PHACTR1: variants seen among roughly 807,000 people sequenced by gnomAD.
PHACTR1 encodes phosphatase and actin regulator 1, also known as RPEL repeat containing 1.
PHACTR1 carries 16 observed loss-of-function variants against 69.2 expected under a neutral mutation model. The ratio of observed to expected loss-of-function variants is 0.23; its 90% CI spans 0.16 to 0.35. The LOEUF (loss-of-function observed/expected upper bound fraction) is 0.35, where lower values mean the gene tolerates loss of function less well. Among genes scored for constraint, PHACTR1 ranks in the 10% least tolerant of loss-of-function variants. PHACTR1 has a pLI of 1.00. For synonymous variants in PHACTR1, 312 were observed against 284.5 expected (o/e 1.10, Z -0.97); for missense variants, 510 against 734.7 (o/e 0.69, Z 3.54).
At chr6:12,842,974 A>G (rs1460239191) in intron 4 of PHACTR1, among the ~76,000 whole-genome samples, 1 of 152,158 alleles carries the variant, frequency 6.6e-6, no homozygotes, top group Admixed American at 6.5e-5. Context: ...GGAGGTCACA[A>G]TTTGACTTAT....
chr6:13,104,290 G>A (rs1033113104), intron 5 of PHACTR1, among the ~76,000 whole-genome samples: 2 of 151,904 alleles, frequency 1.3e-5, no homozygotes, highest in Non-Finnish European at 2.9e-5. Context: ...CATAGGAAAG[G>A]TAAAAAAGAA....
At chr6:13,122,513 T>C (rs1455942221) in intron 5 of PHACTR1, among the ~76,000 whole-genome samples, 1 of 152,234 alleles carries the variant, frequency 6.6e-6, no homozygotes, top group African/African-American at 2.4e-5. Context: ...TATTGATATA[T>C]TGGCTTACCC....
chr6:13,134,795 TAAAAAA>T (rs35318262), intron 5 of PHACTR1, among the ~76,000 whole-genome samples: 13 of 111,362 alleles, frequency 1.2e-4, no homozygotes, highest in African/African-American at 4.7e-4. Context: ...CAATAAATAC[TAAAAAA>T]AAAAAAAAAA....
intron 10 of PHACTR1, among the ~76,000 whole-genome samples, chr6:13,264,575 C>G (rs1474020407): frequency 6.6e-6 from 1 of 152,052 alleles, no homozygotes; most frequent in Non-Finnish European, 1.5e-5. Flanking sequence ...CAAAAATTAG[C>G]TGGTGTGGTG....
chr6:12,808,349 G>C (rs1241724708), intron 4 of PHACTR1, among the ~76,000 whole-genome samples: 1 of 152,098 alleles, frequency 6.6e-6, no homozygotes, highest in Non-Finnish European at 1.5e-5. Flanking sequence ...AACATTTCAG[G>C]AGGGCTATTC....
intron 4 of PHACTR1, among the ~76,000 whole-genome samples, chr6:12,911,254 G>A (rs751185381): frequency 7.9e-5 from 12 of 151,962 alleles, no homozygotes; most frequent in East Asian, 1.9e-4. Flanking sequence ...TTGTAGGTTC[G>A]TTTCAATTTT....
At chr6:13,285,567 T>TA (rs1781503228) in intron 13 of PHACTR1, among the ~76,000 whole-genome samples, 1 of 152,140 alleles carries the variant, frequency 6.6e-6, no homozygotes, top group East Asian at 1.9e-4. Flanking sequence ...GGCAGTATTA[T>TA]AAGGATGGGG....
At chr6:13,046,827 A>G in intron 4 of PHACTR1, among the ~76,000 whole-genome samples, 1 of 152,144 alleles carries the variant, frequency 6.6e-6, no homozygotes, top group Non-Finnish European at 1.5e-5. Flanking sequence ...AAAAAAATCA[A>G]AAAACAACAA....
intron 4 of PHACTR1, among the ~76,000 whole-genome samples, chr6:13,047,152 C>A (rs1020068636): frequency 6.6e-6 from 1 of 151,882 alleles, no homozygotes; most frequent in Non-Finnish European, 1.5e-5. Context: ...CCAAGGTGGG[C>A]GGATCACATG....
intron 4 of PHACTR1, 48 bp from the exon 5 acceptor site, chr6:13,053,317 A>C: frequency 2.0e-6 from 3 of 1,524,984 alleles, no homozygotes; most frequent in Non-Finnish European, 2.7e-6. Context: ...TCCCATTTTA[A>C]CACTTTTTTT....
chr6:12,946,881 C>T (rs1463778144), intron 4 of PHACTR1, among the ~76,000 whole-genome samples: 2 of 139,292 alleles, frequency 1.4e-5, no homozygotes, highest in South Asian at 2.3e-4. Flanking sequence ...GGCACAATCT[C>T]GGCTCACTGC....
chr6:12,975,646 T>G (rs1351275670), intron 4 of PHACTR1, among the ~76,000 whole-genome samples: 1 of 152,156 alleles, frequency 6.6e-6, no homozygotes, highest in East Asian at 1.9e-4. Flanking sequence ...AGTGGTGTGA[T>G]CAACTGCTCA....
At chr6:12,884,487 G>A (rs1362446436) in intron 4 of PHACTR1, among the ~76,000 whole-genome samples, 5 of 151,356 alleles carry the variant, frequency 3.3e-5, no homozygotes, top group African/African-American at 1.2e-4. Context: ...TGCAAGCTCC[G>A]CCTCCTGGGT....
intron 4 of PHACTR1, among the ~76,000 whole-genome samples, chr6:12,946,726 A>T (rs1790709058): frequency 6.6e-6 from 1 of 151,940 alleles, no homozygotes; most frequent in Non-Finnish European, 1.5e-5. Context: ...AGAGAAAAGA[A>T]TTGCAGTGTG....
chr6:12,881,289 A>G (rs143865075), intron 4 of PHACTR1, among the ~76,000 whole-genome samples: 332 of 152,304 alleles, frequency 2.2e-3, no homozygotes, highest in Middle Eastern at 0.014. Context: ...TTTCCAGCCT[A>G]ACTGGCACTC....
At chr6:12,862,008 C>A (rs1325318357) in intron 4 of PHACTR1, among the ~76,000 whole-genome samples, 1 of 152,054 alleles carries the variant, frequency 6.6e-6, no homozygotes, top group Non-Finnish European at 1.5e-5. Flanking sequence ...GTGTAAGTTA[C>A]TATGCCAATA....
chr6:12,851,721 AT>A (rs1444867570), intron 4 of PHACTR1, among the ~76,000 whole-genome samples: 3 of 152,240 alleles, frequency 2.0e-5, no homozygotes, highest in Non-Finnish European at 4.4e-5. Context: ...CCTTTAAAAA[AT>A]AAAAATCTTA....
At chr6:13,220,646 A>G (rs777428474) in intron 8 of PHACTR1, among the ~76,000 whole-genome samples, 2 of 152,216 alleles carry the variant, frequency 1.3e-5, no homozygotes, top group African/African-American at 2.4e-5. Flanking sequence ...TCTGTGCCTT[A>G]GCTCCTTGAG....
intron 4 of PHACTR1, among the ~76,000 whole-genome samples, chr6:12,985,168 CT>C (rs1487034353): frequency 6.6e-6 from 1 of 152,116 alleles, no homozygotes; most frequent in Non-Finnish European, 1.5e-5. Context: ...TTAAGATGCA[CT>C]TTGAAAAGTA....
Sources: allele counts gnomAD v4.1 joint callset (sites outside exome capture counted in the v4.1 genomes callset), GRCh38; gene constraint gnomAD v4.1.1; transcripts MANE v1.5; gene names NCBI Gene and HGNC (gene_info 2026-07-23, HGNC 2026-07-21).